Variants in LOXL2 observed in about 807,000 individuals in gnomAD.
LOXL2 encodes lysyl oxidase homolog 2.
A neutral mutation model predicts 93.0 loss-of-function variants in LOXL2; 70 were observed. The observed-to-expected ratio is 0.75, with a 90% CI of 0.62 to 0.92. The LOEUF (loss-of-function observed/expected upper bound fraction) is 0.92. LOXL2 is among the 40% of genes least tolerant of loss of function. LOXL2 has a pLI of 0.00. For synonymous variants in LOXL2, 438 were observed against 413.2 expected (o/e 1.06, Z -0.73); for missense variants, 973 against 1,054.9 (o/e 0.92, Z 1.08).
chr8:23,305,275 T>C (rs957939485), intron 10 of LOXL2, among the ~76,000 whole-genome samples: 4 of 152,192 alleles, frequency 2.6e-5, no homozygotes, highest in Non-Finnish European at 5.9e-5. Flanking sequence ...GACAGACTCT[T>C]GTAAGGATGA....
intron 10 of LOXL2, among the ~76,000 whole-genome samples, chr8:23,306,743 C>T (rs1292420410): frequency 2.0e-5 from 3 of 152,266 alleles, no homozygotes; most frequent in Non-Finnish European, 4.4e-5. Context: ...CTGGGATTCC[C>T]CCGAGGTGGG....
chr8:23,304,664 G>T (rs1005939040), intron 10 of LOXL2, among the ~76,000 whole-genome samples: 10 of 152,170 alleles, frequency 6.6e-5, no homozygotes, highest in Non-Finnish European at 1.0e-4. Flanking sequence ...AATAACTAAT[G>T]CGAAGTGGTA....
chr8:23,340,970 C>A (rs371578730), intron 4 of LOXL2, 22 bp downstream of exon 4: 2 of 1,601,120 alleles, frequency 1.2e-6, no homozygotes, highest in Non-Finnish European at 1.7e-6. Context: ...TCAAAGCCAC[C>A]CCTTTGGTGC....
intron 1 of LOXL2, among the ~76,000 whole-genome samples, chr8:23,382,006 G>A (rs963662767): frequency 2.0e-5 from 3 of 152,218 alleles, no homozygotes; most frequent in African/African-American, 7.2e-5. Flanking sequence ...CAGCAGAGGG[G>A]ACCAGGCAAA....
chr8:23,357,116 C>T (rs1461925005), intron 3 of LOXL2, among the ~76,000 whole-genome samples: 2 of 151,612 alleles, frequency 1.3e-5, no homozygotes, highest in East Asian at 3.9e-4. Flanking sequence ...TTGGCTCAGG[C>T]TGGAGCGCAA....
chr8:23,319,319 C>T (rs938520690), intron 8 of LOXL2, among the ~76,000 whole-genome samples: 19 of 152,268 alleles, frequency 1.2e-4, no homozygotes, highest in African/African-American at 4.3e-4. Context: ...CTCAGCTGTT[C>T]TCAGCTGAGT....
At position 23,383,651 on chromosome 8, in the gene LOXL2, TTTTTTG is replaced by T. The variant is rs1430885189; in HGVS notation, c.-83-15223_-83-15218del. On this transcript the variant is annotated intron_variant, in intron 1 of 13. Transcript: ENST00000389131. ...TTCTAAGAGGGCACTTTTACGTTTT[TTTTTTG>T]TTTTTTTTTTTTTTTTTTTTTGAGA... Among the ~76,000 whole-genome samples, 8 of 24,066 alleles carry T rather than the reference TTTTTTG, an allele frequency of 3.3e-4. 1 individual carries two copies. Among genetic ancestry groups the T allele is most frequent in the African/African-American group, 6.9e-4 (2 of 2,892 alleles). The allele number at this position is 24,066 out of a possible 152,430, so 15.8% of individuals were successfully genotyped here. A position where few individuals can be genotyped will look rare whatever the true frequency, so the allele number is the denominator to read the frequency against.
intron 10 of LOXL2, among the ~76,000 whole-genome samples, chr8:23,304,423 T>A (rs1266927535): frequency 6.6e-6 from 1 of 152,192 alleles, no homozygotes; most frequent in Non-Finnish European, 1.5e-5. Flanking sequence ...CTTAGCCCGA[T>A]CCCAACCTGC....
At position 23,307,953 on chromosome 8, in the gene LOXL2, G is replaced by GGAGAAAAAAAA. The variant is rs58347035; in HGVS notation, c.1880+1714_1880+1715insTTTTTTTTCTC. ...GTGACTAGGTCATCAGCTGCGATAT[G>GGAGAAAAAAAA]AAAAAAAAAAAAAAAAAAAAGCCAA... is the stretch of plus-strand genomic sequence containing the variant. On this transcript the variant is annotated intron_variant, in intron 10 of 13. Coordinates refer to ENST00000389131, the MANE Select transcript of LOXL2 (RefSeq NM_002318.3). Among the ~76,000 whole-genome samples the GGAGAAAAAAAA allele has an allele frequency of 1.4e-4, 12 of 83,526 alleles. 1 individual carries two copies. The highest frequency in any genetic ancestry group is 2.1e-4 in the Non-Finnish European group (10 of 47,084). 54.8% of individuals were successfully genotyped at this position (83,526 alleles called of 152,430 possible).
In LOXL2 at chr8:23,357,515, G is replaced by T. The variant is rs115293965; in HGVS notation, c.531+2575C>A. Among the ~76,000 whole-genome samples, 892 of 152,148 alleles carry T rather than the reference G, an allele frequency of 5.9e-3. 2 individuals are homozygous for T. Among genetic ancestry groups the T allele is most frequent in the African/African-American group, 0.017 (724 of 41,508 alleles). Reference sequence around the variant, plus strand: ...CAGTGTGTGTTAATTTAATTGTTTGGGTAATCTAATCTAATCTAATGAAGT... The same window carrying T: ...CAGTGTGTGTTAATTTAATTGTTTGTGTAATCTAATCTAATCTAATGAAGT... On this transcript the variant is annotated intron_variant, in intron 3 of 13. Coordinates refer to ENST00000389131, the MANE Select transcript of LOXL2 (RefSeq NM_002318.3).
intron 1 of LOXL2, among the ~76,000 whole-genome samples, chr8:23,372,889 C>A (rs911778008): frequency 6.6e-6 from 1 of 152,084 alleles, no homozygotes; most frequent in African/African-American, 2.4e-5. Context: ...ACAAACTTAA[C>A]CTAATTCACA....
At chr8:23,350,637 G>A (rs1292024652) in intron 3 of LOXL2, among the ~76,000 whole-genome samples, 1 of 152,300 alleles carries the variant, frequency 6.6e-6, no homozygotes, top group African/African-American at 2.4e-5. Context: ...AGTGACAGAG[G>A]AAAGGCATTT....
At chr8:23,338,272 G>A (rs1318893618) in intron 4 of LOXL2, among the ~76,000 whole-genome samples, 2 of 151,852 alleles carry the variant, frequency 1.3e-5, no homozygotes, top group East Asian at 3.9e-4. Context: ...GATTTGGGTG[G>A]GGACACAGCC....
intron 1 of LOXL2, among the ~76,000 whole-genome samples, chr8:23,403,548 C>A (rs1800178932): frequency 6.6e-6 from 1 of 152,164 alleles, no homozygotes; most frequent in Non-Finnish European, 1.5e-5. Context: ...CCGACCCGTC[C>A]CCCGCGTGCC....
chr8:23,383,807 C>T (rs567460445), intron 1 of LOXL2, among the ~76,000 whole-genome samples: 5 of 151,674 alleles, frequency 3.3e-5, no homozygotes, highest in African/African-American at 7.3e-5. Context: ...ACTACAGGCG[C>T]CCGCCACCAC....
intron 1 of LOXL2, among the ~76,000 whole-genome samples, chr8:23,390,412 T>C (rs1388519935): frequency 2.0e-5 from 3 of 152,218 alleles, no homozygotes; most frequent in Non-Finnish European, 2.9e-5. Context: ...CCAAAGAGTC[T>C]ACTTCAGTCT....
intron 3 of LOXL2, among the ~76,000 whole-genome samples, chr8:23,347,232 C>G (rs1480203280): frequency 1.3e-5 from 2 of 151,610 alleles, no homozygotes; most frequent in Non-Finnish European, 2.9e-5. Flanking sequence ...TGGTGCATGC[C>G]TGTAATCCCA....
At chr8:23,375,278 G>A (rs937802798) in intron 1 of LOXL2, among the ~76,000 whole-genome samples, 77 of 152,094 alleles carry the variant, frequency 5.1e-4, no homozygotes, top group Admixed American at 1.8e-3. Flanking sequence ...TTATTTCTGA[G>A]GGCTCTGTTC....
intron 5 of LOXL2, 124 bp downstream of exon 5, chr8:23,333,277 G>T: frequency 1.2e-6 from 1 of 858,002 alleles, no homozygotes; most frequent in Non-Finnish European, 1.8e-6. Flanking sequence ...GAGTAAAGCA[G>T]CCACAATGGT....
Sources: gnomAD v4.1 joint callset for allele counts (sites outside exome capture counted in the v4.1 genomes callset) on GRCh38, gnomAD v4.1.1 for gene constraint, MANE v1.5 for transcripts, NCBI Gene and HGNC (gene_info 2026-07-23, HGNC 2026-07-21) for gene names.